Variants in DNM3 observed in about 807,000 individuals in gnomAD.
DNM3 encodes the protein dynamin 3.
Under a neutral mutation model 101.6 loss-of-function variants are expected in DNM3, and 47 were observed. The ratio of observed to expected loss-of-function variants is 0.46; its 90% CI spans 0.37 to 0.59. DNM3 has a LOEUF of 0.59. Among genes scored for constraint, DNM3 ranks in the 20% least tolerant of loss-of-function variants. The probability of loss-of-function intolerance (pLI) is 0.00; values close to 1 mark genes in which losing one functional copy is unlikely to be tolerated. For synonymous variants in DNM3, 385 were observed against 387.9 expected (o/e 0.99, Z 0.09); for missense variants, 849 against 1,085.7 (o/e 0.78, Z 3.06).
At chr1:172,005,560 G>T (rs1376093055) in intron 4 of DNM3, among the ~76,000 whole-genome samples, 1 of 151,978 alleles carries the variant, frequency 6.6e-6, no homozygotes. Context: ...GGGTTATAAA[G>T]GTGATAACCA....
chr1:172,198,957 A>T (rs1188724861), intron 14 of DNM3, among the ~76,000 whole-genome samples: 1 of 151,534 alleles, frequency 6.6e-6, no homozygotes, highest in Non-Finnish European at 1.5e-5. Context: ...TAGCTTTGGG[A>T]TTGATTTGTT....
At chr1:172,246,810 TA>T (rs1370485231) in intron 14 of DNM3, among the ~76,000 whole-genome samples, 3 of 152,128 alleles carry the variant, frequency 2.0e-5, no homozygotes, top group African/African-American at 4.8e-5. Flanking sequence ...GGGCTTGGAT[TA>T]ATATATGGAG....
At chr1:172,048,798 A>C (rs1261679565) in intron 10 of DNM3, 48 bp downstream of exon 10, 3 of 1,590,198 alleles carry the variant, frequency 1.9e-6, no homozygotes, top group Non-Finnish European at 2.6e-6. Flanking sequence ...TGGTTTATCA[A>C]CATTCCCTAT....
intron 10 of DNM3, among the ~76,000 whole-genome samples, chr1:172,056,016 A>T (rs1407556901): frequency 1.3e-5 from 2 of 152,168 alleles, no homozygotes; most frequent in Non-Finnish European, 2.9e-5. Flanking sequence ...AGGGTGAAGC[A>T]TTGCCTCACT....
At chr1:172,352,799 T>C (rs2148987884) in intron 17 of DNM3, among the ~76,000 whole-genome samples, 1 of 152,320 alleles carries the variant, frequency 6.6e-6, no homozygotes, top group East Asian at 1.9e-4. Context: ...GTCTGCTCTC[T>C]GGAAGACCCA....
At chr1:171,961,287 A>G (rs1425292738) in intron 2 of DNM3, among the ~76,000 whole-genome samples, 1 of 152,164 alleles carries the variant, frequency 6.6e-6, no homozygotes, top group African/African-American at 2.4e-5. Context: ...AGAGGGCGGA[A>G]GGACATGAAA....
chr1:172,045,310 T>C (rs1167362211), intron 9 of DNM3, among the ~76,000 whole-genome samples: 1 of 152,188 alleles, frequency 6.6e-6, no homozygotes, highest in Non-Finnish European at 1.5e-5. Flanking sequence ...CAGAAATTTA[T>C]TTCTCACGGT....
chr1:172,158,512 T>C (rs2058427930), intron 14 of DNM3, among the ~76,000 whole-genome samples: 1 of 151,692 alleles, frequency 6.6e-6, no homozygotes, highest in South Asian at 2.1e-4. Flanking sequence ...GAACAGACAG[T>C]GTGCAGTGAG....
At chr1:172,354,529 C>A (rs1364536244) in intron 17 of DNM3, among the ~76,000 whole-genome samples, 2 of 152,160 alleles carry the variant, frequency 1.3e-5, no homozygotes. Flanking sequence ...AATGAGAAAT[C>A]TCAAATCTTT....
intron 13 of DNM3, among the ~76,000 whole-genome samples, chr1:172,122,050 G>A (rs1223424404): frequency 6.6e-6 from 1 of 152,064 alleles, no homozygotes; most frequent in Non-Finnish European, 1.5e-5. Flanking sequence ...AACATGCTGT[G>A]TTCATTATAC....
Position 172,411,098 on chromosome 1 carries a change from A to G in DNM3, c.*3257A>G. 1 of 983,614 alleles carries G rather than the reference A, an allele frequency of 1.0e-6. No individual in the cohort carries two copies. The highest frequency in any genetic ancestry group is 1.2e-6 in the Non-Finnish European group (1 of 828,314). The allele number at this position is 983,614 out of a possible 1,614,324, so 60.9% of individuals were successfully genotyped here. On this transcript the variant is annotated 3_prime_UTR_variant, in exon 21 of 21. Coordinates refer to ENST00000627582, the MANE Select transcript of DNM3 (RefSeq NM_015569.5). The stretch of plus-strand genomic sequence containing the variant: ...GTGCACTGTGTGTATATATATAAAT[A>G]TATGTATATGTATGGTTGTAAATAT...
intron 1 of DNM3, among the ~76,000 whole-genome samples, chr1:171,869,686 T>A (rs550426088): frequency 6.6e-6 from 1 of 152,374 alleles, no homozygotes; most frequent in South Asian, 2.1e-4. Flanking sequence ...CATATGATGC[T>A]GAGTTATTGC....
chr1:172,260,559 C>T (rs2062602264), intron 15 of DNM3, among the ~76,000 whole-genome samples: 1 of 151,856 alleles, frequency 6.6e-6, no homozygotes, highest in African/African-American at 2.4e-5. Context: ...TTCAAAAGAT[C>T]TGTATTCAAG....
intron 17 of DNM3, among the ~76,000 whole-genome samples, chr1:172,334,184 A>G (rs1382285048): frequency 6.6e-6 from 1 of 152,206 alleles, no homozygotes; most frequent in Non-Finnish European, 1.5e-5. Context: ...CCCATCATAA[A>G]TAGGAGAGTG....
At chr1:172,277,755 A>T (rs751443867) in intron 15 of DNM3, among the ~76,000 whole-genome samples, 1 of 152,082 alleles carries the variant, frequency 6.6e-6, no homozygotes, top group Non-Finnish European at 1.5e-5. Flanking sequence ...TTATGAAAAG[A>T]TGAGATGTGT....
At chr1:171,964,493 C>G (rs1349477888) in intron 2 of DNM3, among the ~76,000 whole-genome samples, 1 of 152,136 alleles carries the variant, frequency 6.6e-6, no homozygotes, top group African/African-American at 2.4e-5. Flanking sequence ...CAATGTACAT[C>G]TTACATGTAC....
chr1:171,978,311 A>G (rs2044531390), intron 2 of DNM3, among the ~76,000 whole-genome samples: 1 of 152,126 alleles, frequency 6.6e-6, no homozygotes, highest in Non-Finnish European at 1.5e-5. Context: ...AGTCAGGGAA[A>G]CCTCTCTAAA....
intron 14 of DNM3, among the ~76,000 whole-genome samples, chr1:172,142,773 C>G (rs1434216819): frequency 7.1e-6 from 1 of 141,376 alleles, no homozygotes; most frequent in Admixed American, 7.0e-5. Context: ...TTGAGAAAAA[C>G]ATTACCAAAG....
At chr1:172,132,880 T>G (rs1192930213) in intron 14 of DNM3, 1 of 882,930 alleles carries the variant, frequency 1.1e-6, no homozygotes, top group African/African-American at 1.7e-5. Flanking sequence ...ACTATTTTCC[T>G]TATTGCAGAA....
Sources: allele counts gnomAD v4.1 joint callset (sites outside exome capture counted in the v4.1 genomes callset), GRCh38; gene constraint gnomAD v4.1.1; transcripts MANE v1.5; gene names NCBI Gene and HGNC (gene_info 2026-07-23, HGNC 2026-07-21).